Variants in GALNT1 observed in about 807,000 individuals in gnomAD.
GALNT1 encodes the protein GalNAc transferase 1.
A neutral mutation model predicts 65.7 loss-of-function variants in GALNT1; 17 were observed. The ratio of observed to expected loss-of-function variants is 0.26; its 90% CI spans 0.18 to 0.39. The LOEUF (loss-of-function observed/expected upper bound fraction) is 0.39. Ranked by LOEUF, GALNT1 falls within the 10% of genes least tolerant of loss-of-function variation. GALNT1 has a pLI of 1.00. For missense variants in GALNT1, 460 were observed against 672.8 expected (o/e 0.68, Z 3.50); for synonymous variants, 210 against 219.7 (o/e 0.96, Z 0.39).
At chr18:35,611,332 C>T (rs1383101618) in intron 1 of GALNT1, among the ~76,000 whole-genome samples, 1 of 152,092 alleles carries the variant, frequency 6.6e-6, no homozygotes, top group Non-Finnish European at 1.5e-5. Context: ...GGCAGGAATA[C>T]TGTGTGAGAG....
At chr18:35,601,286 A>C (rs2046578839) in intron 1 of GALNT1, among the ~76,000 whole-genome samples, 1 of 151,836 alleles carries the variant, frequency 6.6e-6, no homozygotes, top group African/African-American at 2.4e-5. Flanking sequence ...TCATTTGTTA[A>C]TGTCTTGTTT....
chr18:35,668,909 A>G (rs2047587684), intron 3 of GALNT1, among the ~76,000 whole-genome samples: 3 of 152,328 alleles, frequency 2.0e-5, no homozygotes, highest in African/African-American at 7.2e-5. Context: ...AAAAGAAAGT[A>G]TAAGTTCTAT....
At chr18:35,633,798 G>A (rs2047053743) in intron 1 of GALNT1, among the ~76,000 whole-genome samples, 1 of 152,128 alleles carries the variant, frequency 6.6e-6, no homozygotes, top group Non-Finnish European at 1.5e-5. Flanking sequence ...TAACAATAAA[G>A]CATAGTCCCA....
intron 6 of GALNT1, 75 bp downstream of exon 6, chr18:35,687,261 T>C: frequency 7.1e-7 from 1 of 1,400,990 alleles, no homozygotes; most frequent in Non-Finnish European, 9.8e-7. Flanking sequence ...TCATATCAAA[T>C]GGATAAGTGT....
chr18:35,630,869 G>A (rs2046996921), intron 1 of GALNT1, among the ~76,000 whole-genome samples: 1 of 152,064 alleles, frequency 6.6e-6, no homozygotes, highest in Non-Finnish European at 1.5e-5. Context: ...TGATGAAGGG[G>A]ATATCACCAC....
intron 4 of GALNT1, among the ~76,000 whole-genome samples, chr18:35,681,310 G>A (rs144735136): frequency 1.3e-5 from 2 of 152,138 alleles, no homozygotes; most frequent in Non-Finnish European, 2.9e-5. Flanking sequence ...TGTAAAATGA[G>A]ACTTGGATAA....
intron 8 of GALNT1, 124 bp from the exon 9 acceptor site, chr18:35,692,057 T>G: frequency 2.7e-6 from 2 of 744,264 alleles, no homozygotes; most frequent in Non-Finnish European, 4.4e-6. Context: ...TCTCCACTTG[T>G]ATAGTCACAT....
rs1176075381 is a variant in GALNT1, at chr18:35,581,831, C to CCTG, written c.-133_-131dup. ...ACCGCCGCGGCCGGCCCGGAGGACG[C>CCTG]CTGCCGCCGCCGCCGCCGCGCGCCT... On this transcript the variant is annotated 5_prime_UTR_variant, in exon 1 of 12. Coordinates refer to ENST00000269195, the MANE Select transcript of GALNT1 (RefSeq NM_020474.4). 1 of 1,468 alleles carries CCTG rather than the reference C, an allele frequency of 6.8e-4. No homozygotes were observed. Among genetic ancestry groups the CCTG allele is most frequent in the Non-Finnish European group, 1.7e-3 (1 of 600 alleles). The allele number at this position is 1,468 out of a possible 1,614,324, so 0.1% of individuals were successfully genotyped here. A position where few individuals can be genotyped will look rare whatever the true frequency, so the allele number is the denominator to read the frequency against.
intron 1 of GALNT1, chr18:35,596,217 A>C (rs2046503131): frequency 6.6e-6 from 1 of 152,176 alleles, no homozygotes; most frequent in Admixed American, 6.5e-5. Flanking sequence ...CCCAAATGGG[A>C]GCTCTGACTG....
At chr18:35,704,709 A>G (rs1358241925) in intron 11 of GALNT1, among the ~76,000 whole-genome samples, 1 of 150,620 alleles carries the variant, frequency 6.6e-6, no homozygotes, top group Non-Finnish European at 1.5e-5. Flanking sequence ...CAGTGGTGCA[A>G]TCTCGGCTCA....
chr18:35,633,091 T>C (rs937917101), intron 1 of GALNT1, among the ~76,000 whole-genome samples: 1 of 152,220 alleles, frequency 6.6e-6, no homozygotes, highest in Admixed American at 6.5e-5. Context: ...TTTACACTGC[T>C]GGTGGGACTG....
At chr18:35,619,154 A>G (rs563423754) in intron 1 of GALNT1, among the ~76,000 whole-genome samples, 1 of 152,222 alleles carries the variant, frequency 6.6e-6, no homozygotes. Context: ...GTGACTAACC[A>G]GAACACTGTC....
intron 11 of GALNT1, among the ~76,000 whole-genome samples, chr18:35,706,434 G>A (rs556334365): frequency 1.3e-5 from 2 of 152,106 alleles, no homozygotes; most frequent in East Asian, 3.9e-4. Flanking sequence ...CCCAGGAGGC[G>A]GAGTTTGCAG....
At chr18:35,588,369 C>T (rs75226840) in intron 1 of GALNT1, among the ~76,000 whole-genome samples, 3,063 of 152,118 alleles carry the variant, frequency 0.02, 109 homozygotes, top group African/African-American at 0.068. Context: ...ATTTTTTCTT[C>T]GTCTTTAGTT....
At chr18:35,672,941 A>G (rs1281452995) in intron 3 of GALNT1, among the ~76,000 whole-genome samples, 2 of 152,198 alleles carry the variant, frequency 1.3e-5, no homozygotes, top group African/African-American at 4.8e-5. Flanking sequence ...GGGAAATTAA[A>G]TGATTTGTCC....
At chr18:35,617,838 TCAAC>T (rs2046804100) in intron 1 of GALNT1, among the ~76,000 whole-genome samples, 1 of 152,130 alleles carries the variant, frequency 6.6e-6, no homozygotes, top group African/African-American at 2.4e-5. Flanking sequence ...CAAAACAAGA[TCAAC>T]ATAGCACATT....
intron 3 of GALNT1, among the ~76,000 whole-genome samples, chr18:35,666,518 C>A (rs1180137398): frequency 6.6e-6 from 1 of 152,202 alleles, no homozygotes; most frequent in African/African-American, 2.4e-5. Flanking sequence ...CCTCAATCAA[C>A]TATTATTGTT....
intron 2 of GALNT1, among the ~76,000 whole-genome samples, chr18:35,662,644 A>G (rs997532523): frequency 3.3e-5 from 5 of 152,248 alleles, no homozygotes; most frequent in Non-Finnish European, 5.9e-5. Context: ...GATGCCTAAA[A>G]AACAATCTAC....
At chr18:35,587,503 A>G (rs1012238950) in intron 1 of GALNT1, among the ~76,000 whole-genome samples, 1 of 152,210 alleles carries the variant, frequency 6.6e-6, no homozygotes, top group Non-Finnish European at 1.5e-5. Context: ...GCTGTTTATC[A>G]AGTTAGGGAA....
Sources: allele counts gnomAD v4.1 joint callset (sites outside exome capture counted in the v4.1 genomes callset), GRCh38; gene constraint gnomAD v4.1.1; transcripts MANE v1.5; gene names NCBI Gene and HGNC (gene_info 2026-07-23, HGNC 2026-07-21).